The following SUMF1 variants were observed in gnomAD, a reference collection of about 807,000 sequenced individuals.
SUMF1 encodes the protein formylglycine-generating enzyme.
SUMF1 carries 48 observed loss-of-function variants against 47.6 expected under a neutral mutation model. The ratio of observed to expected loss-of-function variants is 1.01; its 90% CI spans 0.80 to 1.28. SUMF1 has a LOEUF of 1.28. Ranked by LOEUF, SUMF1 falls within the 50% of genes most tolerant of loss-of-function variation. The probability of loss-of-function intolerance (pLI) is 0.00; values close to 1 mark genes in which losing one functional copy is unlikely to be tolerated. For synonymous variants in SUMF1, 230 were observed against 192.1 expected, an observed-to-expected ratio of 1.20 and a Z score of -1.63; for missense variants, 571 against 485.4, an observed-to-expected ratio of 1.18 and a Z score of -1.66.
chr3:4,045,230 C>T (rs867635266), intron 9 of SUMF1, among the ~76,000 whole-genome samples: 1 of 152,102 alleles, frequency 6.6e-6, no homozygotes, highest in East Asian at 1.9e-4. Context: ...ACTGAGGCTT[C>T]CCTGAGGAAG....
chr3:4,071,773 G>A (rs1695532433), intron 8 of SUMF1, among the ~76,000 whole-genome samples: 1 of 152,196 alleles, frequency 6.6e-6, no homozygotes. Context: ...GGGCATATGT[G>A]AACAAAAGGC....
chr3:4,237,858 GC>G (rs1467835802), intron 8 of SUMF1, among the ~76,000 whole-genome samples: 8 of 152,098 alleles, frequency 5.3e-5, no homozygotes, highest in African/African-American at 1.4e-4. Flanking sequence ...GTATACATGT[GC>G]CATGGTGATT....
At chr3:4,464,312 A>G (rs1405145746) in intron 1 of SUMF1, among the ~76,000 whole-genome samples, 1 of 151,982 alleles carries the variant, frequency 6.6e-6, no homozygotes, top group Non-Finnish European at 1.5e-5. Context: ...CTTGTCCATG[A>G]AGAATTAATT....
intron 3 of SUMF1, among the ~76,000 whole-genome samples, chr3:4,435,010 C>T (rs149439753): frequency 0.013 from 2,025 of 152,282 alleles, 51 homozygotes; most frequent in African/African-American, 0.046. Flanking sequence ...TCACTGCAAC[C>T]TCCGCCACCC....
chr3:4,455,542 C>T (rs1375840620), intron 1 of SUMF1, among the ~76,000 whole-genome samples: 2 of 152,108 alleles, frequency 1.3e-5, no homozygotes, highest in African/African-American at 4.8e-5. Context: ...ACGGTGAAAC[C>T]CCGTCTCTAC....
intron 8 of SUMF1, among the ~76,000 whole-genome samples, chr3:4,072,063 G>A (rs1695540054): frequency 6.6e-6 from 1 of 152,132 alleles, no homozygotes; most frequent in Non-Finnish European, 1.5e-5. Context: ...CATCTGGCAG[G>A]TGCCCCTCTA....
intron 8 of SUMF1, among the ~76,000 whole-genome samples, chr3:4,281,408 T>C (rs1244786682): frequency 1.3e-5 from 2 of 152,172 alleles, no homozygotes; most frequent in African/African-American, 2.4e-5. Flanking sequence ...ATCATCCACA[T>C]TGGCTACTAG....
intron 8 of SUMF1, among the ~76,000 whole-genome samples, chr3:4,108,348 T>C (rs1189121584): frequency 6.6e-6 from 1 of 152,128 alleles, no homozygotes; most frequent in Non-Finnish European, 1.5e-5. Flanking sequence ...TCCAACTAAG[T>C]GGTCAATTTT....
At chr3:4,087,800 C>A (rs1436450983) in intron 8 of SUMF1, among the ~76,000 whole-genome samples, 1 of 151,870 alleles carries the variant, frequency 6.6e-6, no homozygotes, top group African/African-American at 2.4e-5. Context: ...AGAAGGTCAC[C>A]ATATTTAGTG....
At chr3:4,148,830 A>C (rs561696234) in intron 8 of SUMF1, among the ~76,000 whole-genome samples, 1 of 152,272 alleles carries the variant, frequency 6.6e-6, no homozygotes, top group South Asian at 2.1e-4. Flanking sequence ...GAAATCACCA[A>C]ATCTCACATT....
At chr3:4,258,527 A>G (rs1001334812) in intron 8 of SUMF1, among the ~76,000 whole-genome samples, 21 of 151,356 alleles carry the variant, frequency 1.4e-4, no homozygotes, top group East Asian at 5.8e-4. Flanking sequence ...CATCATCACT[A>G]GCCATCAGAG....
chr3:4,121,400 T>C (rs1693537327), intron 8 of SUMF1, among the ~76,000 whole-genome samples: 1 of 152,206 alleles, frequency 6.6e-6, no homozygotes, highest in Admixed American at 6.5e-5. Context: ...CATCTTCTTG[T>C]AATGGGTATT....
At chr3:4,056,651 G>A (rs1016418136) in intron 9 of SUMF1, among the ~76,000 whole-genome samples, 1 of 151,972 alleles carries the variant, frequency 6.6e-6, no homozygotes, top group Admixed American at 6.6e-5. Context: ...AGAGTGAGAC[G>A]TCTCTAAAAA....
At chr3:4,397,290 C>T (rs1248589645) in intron 7 of SUMF1, among the ~76,000 whole-genome samples, 1 of 152,228 alleles carries the variant, frequency 6.6e-6, no homozygotes, top group East Asian at 1.9e-4. Context: ...CCACCACCAA[C>T]ACAGGGTACA....
At chr3:4,270,164 A>G (rs886558832) in intron 8 of SUMF1, among the ~76,000 whole-genome samples, 9 of 152,232 alleles carry the variant, frequency 5.9e-5, no homozygotes, top group African/African-American at 1.9e-4. Flanking sequence ...AGGGAAACTA[A>G]ATTGATGATA....
intron 8 of SUMF1, among the ~76,000 whole-genome samples, chr3:4,166,434 T>A (rs943710805): frequency 2.0e-5 from 3 of 152,144 alleles, no homozygotes; most frequent in African/African-American, 7.2e-5. Context: ...TGAGAAGGGA[T>A]CCTAAAATTC....
intron 8 of SUMF1, among the ~76,000 whole-genome samples, chr3:4,289,002 T>A (rs1697689687): frequency 6.6e-6 from 1 of 152,220 alleles, no homozygotes; most frequent in African/African-American, 2.4e-5. Flanking sequence ...CATCTCTTTA[T>A]TCATTATCAC....
At chr3:4,097,552 CA>C (rs1167287968) in intron 8 of SUMF1, among the ~76,000 whole-genome samples, 2 of 151,418 alleles carry the variant, frequency 1.3e-5, no homozygotes, top group South Asian at 4.2e-4. Flanking sequence ...GACCCTGTCT[CA>C]AAAAAACAAA....
intron 3 of SUMF1, among the ~76,000 whole-genome samples, chr3:4,429,683 T>C (rs1702175148): frequency 2.0e-5 from 3 of 152,198 alleles, no homozygotes; most frequent in Admixed American, 6.5e-5. Flanking sequence ...ATATTAACAG[T>C]AAGAGACATA....
Sources: allele counts gnomAD v4.1 joint callset (sites outside exome capture counted in the v4.1 genomes callset), GRCh38; gene constraint gnomAD v4.1.1; transcripts MANE v1.5; gene names NCBI Gene and HGNC (gene_info 2026-07-23, HGNC 2026-07-21).